STK24: variants seen among roughly 807,000 people sequenced by gnomAD.
The protein encoded by STK24 is serine/threonine-protein kinase 24.
A neutral mutation model predicts 55.6 loss-of-function variants in STK24; 21 were observed. That is an observed-to-expected ratio of 0.38 (90% confidence interval 0.27 to 0.54). STK24 has a LOEUF of 0.54. Among genes scored for constraint, STK24 ranks in the 20% least tolerant of loss-of-function variants. The probability of loss-of-function intolerance (pLI) is 0.79; values close to 1 mark genes in which losing one functional copy is unlikely to be tolerated. For synonymous variants in STK24, 200 were observed against 215.2 expected (o/e 0.93, Z 0.62); for missense variants, 383 against 538.4 (o/e 0.71, Z 2.86).
At chr13:98,566,873 G>A (rs1053828279) in intron 1 of STK24, among the ~76,000 whole-genome samples, 1 of 152,164 alleles carries the variant, frequency 6.6e-6, no homozygotes, top group African/African-American at 2.4e-5. Flanking sequence ...CCACAGGAAC[G>A]CTCCTCAAGC....
chr13:98,480,717 G>T (rs1462472518), intron 3 of STK24, among the ~76,000 whole-genome samples: 2 of 152,094 alleles, frequency 1.3e-5, no homozygotes, highest in Non-Finnish European at 2.9e-5. Flanking sequence ...ACTATCAATT[G>T]CTATTATTAC....
At chr13:98,537,337 G>C (rs567628439) in intron 1 of STK24, among the ~76,000 whole-genome samples, 7 of 152,332 alleles carry the variant, frequency 4.6e-5, no homozygotes, top group African/African-American at 1.4e-4. Context: ...CCTGGATGGC[G>C]TTACCCTATG....
chr13:98,553,980 T>C (rs1897221832), intron 1 of STK24, among the ~76,000 whole-genome samples: 1 of 151,348 alleles, frequency 6.6e-6, no homozygotes, highest in African/African-American at 2.4e-5. Flanking sequence ...GAGAACTGCT[T>C]GAACCCAGGA....
At chr13:98,490,996 A>G (rs1444623463) in intron 2 of STK24, among the ~76,000 whole-genome samples, 1 of 151,810 alleles carries the variant, frequency 6.6e-6, no homozygotes, top group Non-Finnish European at 1.5e-5. Context: ...CATGGGGACC[A>G]GCCCAGCACA....
At chr13:98,519,890 G>A (rs1406715006) in intron 1 of STK24, among the ~76,000 whole-genome samples, 1 of 151,894 alleles carries the variant, frequency 6.6e-6, no homozygotes, top group African/African-American at 2.4e-5. Context: ...GAATTCAAAT[G>A]AATTTTTACT....
At chr13:98,481,414 G>A (rs1011561055) in intron 3 of STK24, among the ~76,000 whole-genome samples, 5 of 152,200 alleles carry the variant, frequency 3.3e-5, no homozygotes, top group African/African-American at 1.2e-4. Flanking sequence ...CATCTGGTGC[G>A]GGCCAGCCCC....
chr13:98,463,152 T>G (rs1176767594), intron 7 of STK24, among the ~76,000 whole-genome samples: 1 of 152,030 alleles, frequency 6.6e-6, no homozygotes, highest in Non-Finnish European at 1.5e-5. Flanking sequence ...CGCTCGGACT[T>G]CCAGACACAA....
rs528147133 is a variant in STK24, at chr13:98,563,537, T to TAC, written c.42+13206_42+13207dup. On this transcript the variant is annotated intron_variant, in intron 1 of 10. Transcript: ENST00000539966. Reference sequence around the variant, plus strand: ...CCCTAAGTCTGTATAATGTGCTGTTTACCCTTGTATTTTAAAATGCCGTAT... The same window carrying TAC: ...CCCTAAGTCTGTATAATGTGCTGTTTACACCCTTGTATTTTAAAATGCCGTAT... Among the ~76,000 whole-genome samples, 385 of 152,332 alleles carry TAC rather than the reference T, an allele frequency of 2.5e-3. 1 individual carries two copies. The highest frequency in any genetic ancestry group is 8.9e-3 in the African/African-American group (371 of 41,582).
At chr13:98,526,952 C>T (rs1594641383) in intron 1 of STK24, among the ~76,000 whole-genome samples, 1 of 152,198 alleles carries the variant, frequency 6.6e-6, no homozygotes, top group East Asian at 1.9e-4. Context: ...GATACCGACC[C>T]CATGTGAGGA....
Position 98,448,147 on chromosome 13 carries a change from T to G in STK24, c.*5026A>C. On this transcript the variant is annotated 3_prime_UTR_variant, in exon 11 of 11. Coordinates refer to ENST00000539966, the MANE Select transcript of STK24 (RefSeq NM_001032296.4). ...AGATTACCAACCAGGCGGCCTGACT[T>G]CACCTTGTGTTTCTGTAAGCGATGC... 1.7e-6 allele frequency: 2 copies of G among 1,150,014 alleles called. No individual in the cohort carries two copies. The highest frequency in any genetic ancestry group is 1.2e-5 in the South Asian group (1 of 80,626). The allele number at this position is 1,150,014 out of a possible 1,614,324, so 71.2% of individuals were successfully genotyped here. A position where few individuals can be genotyped will look rare whatever the true frequency, so the allele number is the denominator to read the frequency against.
At chr13:98,459,582 G>C (rs546348120) in intron 9 of STK24, among the ~76,000 whole-genome samples, 2 of 152,364 alleles carry the variant, frequency 1.3e-5, no homozygotes, top group Admixed American at 1.3e-4. Context: ...CACAGGGGAG[G>C]AGAATGAGCT....
At chr13:98,498,592 G>A (rs1036865088) in intron 2 of STK24, among the ~76,000 whole-genome samples, 2 of 152,248 alleles carry the variant, frequency 1.3e-5, no homozygotes, top group African/African-American at 2.4e-5. Context: ...TTCTCTGCAA[G>A]TGAAAGAGTG....
chr13:98,512,609 C>G (rs1450099532), intron 2 of STK24, among the ~76,000 whole-genome samples: 1 of 149,190 alleles, frequency 6.7e-6, no homozygotes, highest in Non-Finnish European at 1.5e-5. Flanking sequence ...AAGCAAGGTA[C>G]CAGCCCCTAA....
intron 9 of STK24, among the ~76,000 whole-genome samples, chr13:98,459,693 A>G (rs1168149584): frequency 1.3e-5 from 2 of 152,270 alleles, no homozygotes; most frequent in Non-Finnish European, 2.9e-5. Flanking sequence ...TCCCCACGCA[A>G]ACAGATGCGT....
chr13:98,504,489 C>T (rs1895610304), intron 2 of STK24, among the ~76,000 whole-genome samples: 1 of 152,218 alleles, frequency 6.6e-6, no homozygotes, highest in African/African-American at 2.4e-5. Context: ...TGGTGACCAC[C>T]ACAGTGGTTA....
At chr13:98,501,352 G>A (rs1236342824) in intron 2 of STK24, among the ~76,000 whole-genome samples, 1 of 152,180 alleles carries the variant, frequency 6.6e-6, no homozygotes, top group East Asian at 1.9e-4. Context: ...CCTCTTCCTC[G>A]GCTAGCCAGG....
At chr13:98,495,954 C>A (rs1895237919) in intron 2 of STK24, among the ~76,000 whole-genome samples, 1 of 152,248 alleles carries the variant, frequency 6.6e-6, no homozygotes, top group African/African-American at 2.4e-5. Flanking sequence ...GATCCCTGCA[C>A]ACTAAAGATT....
Position 98,448,537 on chromosome 13 carries a change from G to GTTCTTTAGCTAGTGCCAGTA in STK24, c.*4616_*4635dup, listed in dbSNP as rs1318581460. 6 of 559,316 alleles carry GTTCTTTAGCTAGTGCCAGTA rather than the reference G, an allele frequency of 1.1e-5. No homozygotes were observed. The highest frequency in any genetic ancestry group is 1.9e-5 in the Non-Finnish European group (6 of 313,482). The allele number at this position is 559,316 out of a possible 1,614,324, so 34.6% of individuals were successfully genotyped here. On this transcript the variant is annotated 3_prime_UTR_variant, in exon 11 of 11. Transcript: ENST00000539966. Reference sequence around the variant, plus strand: ...AGTCCTGGCATCCGCTGGGGGCGCTGTTCTTTAGCTAGTGCCAGTATTAAA... The same window carrying GTTCTTTAGCTAGTGCCAGTA: ...AGTCCTGGCATCCGCTGGGGGCGCTGTTCTTTAGCTAGTGCCAGTATTCTTTAGCTAGTGCCAGTATTAAA...
intron 2 of STK24, among the ~76,000 whole-genome samples, chr13:98,488,533 C>CT (rs1056114646): frequency 1.6e-4 from 24 of 151,846 alleles, no homozygotes; most frequent in African/African-American, 5.3e-4. Flanking sequence ...GGTTACTGAC[C>CT]TTTTTTTTAA....
Sources: allele counts gnomAD v4.1 joint callset (sites outside exome capture counted in the v4.1 genomes callset), GRCh38; gene constraint gnomAD v4.1.1; transcripts MANE v1.5; gene names NCBI Gene and HGNC (gene_info 2026-07-23, HGNC 2026-07-21).